The following MUC5AC variants were observed in gnomAD, a reference collection of about 807,000 sequenced individuals.
The protein encoded by MUC5AC is mucin 5AC, oligomeric mucus/gel-forming, also known as mucin-5AC.
In MUC5AC, 158 loss-of-function variants were observed where a neutral mutation model predicts 169.7. The observed-to-expected ratio is 0.93, with a 90% CI of 0.82 to 1.06. The LOEUF (loss-of-function observed/expected upper bound fraction) is 1.06. Among genes scored for constraint, MUC5AC ranks in the 50% least tolerant of loss-of-function variants. The pLI, the probability that MUC5AC is intolerant of heterozygous loss-of-function variation, is 0.00. For missense variants in MUC5AC, 4,359 were observed against 3,089.9 expected (o/e 1.41, Z -9.74); for synonymous variants, 1,975 against 1,237.0 (o/e 1.60, Z -12.52).
rs1411767629 is a variant in MUC5AC, at chr11:1,163,893, A to G, written c.691A>G (p.Thr231Ala). The G allele has an allele frequency of 1.2e-6, 2 of 1,607,806 alleles. No homozygotes were observed. Reference protein sequence around the residue: ...SELLSHNTKLTPMEFGNLQKM... With the variant: ...SELLSHNTKLAPMEFGNLQKM... ...TGTGCTTGCCGCAGACACCAAGCTG[A>G]CACCCATGGAATTCGGGAACCTGCA... is the stretch of plus-strand genomic sequence containing the variant. Residue 231 changes from threonine (T) to alanine (A), a missense_variant, in exon 7 of 49, where the codon ACA becomes GCA. Coordinates refer to ENST00000621226, the MANE Select transcript of MUC5AC (RefSeq NM_001304359.2).
In MUC5AC at chr11:1,162,958, G is replaced by C. The variant is rs1860187789; in HGVS notation, c.592G>C (p.Glu198Gln). The part of the protein sequence containing the change: ...MWNHDDSLLL[E>Q]LDTKYANKTC... ...TCTGATGTCTCTCCCTTTGCAGCTGGAGCTGGACACCAAATACGCCAACAA... is the reference window on the plus strand; with the variant it reads ...TCTGATGTCTCTCCCTTTGCAGCTGCAGCTGGACACCAAATACGCCAACAA... Residue 198 changes from glutamate (E) to glutamine (Q), a missense_variant, in exon 6 of 49, where the codon GAG (glutamate) becomes CAG (glutamine). Transcript: ENST00000621226. The C allele has an allele frequency of 4.3e-6, 7 of 1,612,620 alleles. No individual in the cohort carries two copies. The highest frequency in any genetic ancestry group is 5.9e-6 in the Non-Finnish European group (7 of 1,179,776).
At chr11:1,171,093 G>A (rs1420642403) in intron 15 of MUC5AC, among the ~76,000 whole-genome samples, 2 of 92,750 alleles carry the variant, frequency 2.2e-5, no homozygotes, top group Non-Finnish European at 4.4e-5. Context: ...CACACTCACC[G>A]ACTCAACCAT....
At chr11:1,158,496 C>T (rs1304749945) in intron 1 of MUC5AC, among the ~76,000 whole-genome samples, 1 of 152,258 alleles carries the variant, frequency 6.6e-6, no homozygotes, top group African/African-American at 2.4e-5. Context: ...GCTCACGTTC[C>T]CTGTCTGGGC....
At chr11:1,160,444 A>G (rs1432526084) in intron 1 of MUC5AC, among the ~76,000 whole-genome samples, 168 bp from the exon 2 acceptor site, 1 of 98,432 alleles carries the variant, frequency 1.0e-5, no homozygotes, top group Non-Finnish European at 2.7e-5. Context: ...ACATGGACAG[A>G]GGCCTCCTAG....
In MUC5AC at chr11:1,193,677, C is replaced by A. The variant is rs371271008; in HGVS notation, c.14755+18C>A. 2.6e-6 allele frequency: 2 copies of A among 761,928 alleles called. No individual in the cohort carries two copies. Among genetic ancestry groups the A allele is most frequent in the South Asian group, 1.3e-5 (1 of 74,478 alleles). The allele number at this position is 761,928 out of a possible 1,614,324, so 47.2% of individuals were successfully genotyped here. On this transcript the variant is annotated intron_variant, in intron 33 of 48. Transcript: ENST00000621226. ...GTGCCAGTGTGAGTGGAGCGCCGAG[C>A]GGGACCCAGGGCAGCCGGGGCAGCC... is the stretch of plus-strand genomic sequence containing the variant.
chr11:1,161,648 G>A (rs35396393), intron 3 of MUC5AC, 62 bp downstream of exon 3: 276,849 of 1,540,980 alleles, frequency 0.18, 27,954 homozygotes, highest in Non-Finnish European at 0.21. Context: ...TCCCCGCTCA[G>A]GCCTGGAGGT....
chr11:1,157,970 G>T lies in MUC5AC; in HGVS notation c.-30G>T. ...GGTCCCTCCTCAGAGGCTGCTGAGG[G>T]ACAGGGCACTCTTCCCCGCCGTCCA... On this transcript the variant is annotated 5_prime_UTR_variant, in exon 1 of 49. Transcript: ENST00000621226. The T allele has an allele frequency of 1.3e-6, 2 of 1,567,776 alleles. No individual in the cohort carries two copies. Among genetic ancestry groups the T allele is most frequent in the Non-Finnish European group, 1.7e-6 (2 of 1,157,042 alleles).
At chr11:1,193,127 C>T (rs1303730974) in intron 32 of MUC5AC, 145 bp downstream of exon 32, 1 of 593,538 alleles carries the variant, frequency 1.7e-6, no homozygotes, top group South Asian at 2.0e-5. Context: ...GAGGGCCATG[C>T]TGTAGCCCGG....
Position 1,197,465 on chromosome 11 carries a change from C to A in MUC5AC, c.15862-3C>A, listed in dbSNP as rs554118134. On this transcript the variant is annotated splice_polypyrimidine_tract_variant and splice_region_variant and intron_variant, in intron 40 of 48. Transcript: ENST00000621226. The stretch of plus-strand genomic sequence containing the variant: ...CGCTGGACCTCAGTCCCCTTCCTTG[C>A]AGGTGGGCCACACCGTCGGCATGGA... 1 of 709,684 alleles carries A rather than the reference C, an allele frequency of 1.4e-6. No homozygotes were observed. Among genetic ancestry groups the A allele is most frequent in the Middle Eastern group, 3.6e-4 (1 of 2,764 alleles). The allele number at this position is 709,684 out of a possible 1,614,324, so 44.0% of individuals were successfully genotyped here.
chr11:1,170,163 T>C (rs1488250174), intron 15 of MUC5AC, among the ~76,000 whole-genome samples: 11 of 37,548 alleles, frequency 2.9e-4, no homozygotes, highest in African/African-American at 6.3e-4. Flanking sequence ...ACCCATTCAC[T>C]CACTCACCCA....
chr11:1,191,620 C>A lies in MUC5AC; in HGVS notation c.13475C>A (p.Ala4492Asp). 7 of 687,012 alleles carry A rather than the reference C, an allele frequency of 1.0e-5. No individual in the cohort carries two copies. Among genetic ancestry groups the A allele is most frequent in the Non-Finnish European group, 1.8e-5 (7 of 379,488 alleles). 42.6% of individuals were successfully genotyped at this position (687,012 alleles called of 1,614,324 possible). The change falls in exon 31 of 49, where the codon GCT becomes GAT. Residue 4492 changes from alanine (A) to aspartate (D), a missense_variant. By Grantham distance (126) the Ala-to-Asp change is moderately radical. Transcript: ENST00000621226. Reference protein sequence around the residue: ...SPVPTTSTTSAPTTSTTSAST... With the variant: ...SPVPTTSTTSDPTTSTTSAST... ...GTTCCCACCACCAGCACAACCTCTG[C>A]TCCTACAACCAGCACAACCTCTGCC...
At chr11:1,166,440 C>G (rs1261779101) in intron 11 of MUC5AC, among the ~76,000 whole-genome samples, 1 of 125,364 alleles carries the variant, frequency 8.0e-6, no homozygotes, top group Non-Finnish European at 1.7e-5. Flanking sequence ...AGCCTGCACC[C>G]AACACACAGT....
Position 1,194,483 on chromosome 11 carries a change from C to T in MUC5AC, c.15007-4C>T, listed in dbSNP as rs780479996. ...ACTTCCCGTCGACCACGCCCTGCGTCCAGATCATCTTCAACAACAAGGTGG... is the reference window on the plus strand; with the variant it reads ...ACTTCCCGTCGACCACGCCCTGCGTTCAGATCATCTTCAACAACAAGGTGG... On this transcript the variant is annotated splice_polypyrimidine_tract_variant and splice_region_variant and intron_variant, in intron 34 of 48. Transcript: ENST00000621226. 1.1e-5 allele frequency: 8 copies of T among 755,110 alleles called. No individual in the cohort carries two copies. Among genetic ancestry groups the T allele is most frequent in the South Asian group, 8.2e-5 (6 of 73,580 alleles). 46.8% of individuals were successfully genotyped at this position (755,110 alleles called of 1,614,324 possible). A position where few individuals can be genotyped will look rare whatever the true frequency, so the allele number is the denominator to read the frequency against.
At chr11:1,195,313 G>A (rs1167918526) in intron 36 of MUC5AC, 34 bp downstream of exon 36, 3 of 748,684 alleles carry the variant, frequency 4.0e-6, no homozygotes, top group East Asian at 2.5e-5. Context: ...GAGGGTCAGT[G>A]TGGCCGCCCC....
chr11:1,160,292 G>A (rs969624922), intron 1 of MUC5AC, among the ~76,000 whole-genome samples: 18 of 152,074 alleles, frequency 1.2e-4, no homozygotes, highest in African/African-American at 4.3e-4. Context: ...CAGCGTGGGG[G>A]CCAGGGCCTG....
In MUC5AC at chr11:1,199,904, C is replaced by A. The variant is rs534537206; in HGVS notation, c.16635C>A (p.Gly5545=). ...YHRSLIIQQQ[G]CSSSEPVRLA... The stretch of plus-strand genomic sequence containing the variant: ...GGAGCCTGATCATCCAGCAGCAGGG[C>A]TGCAGCTCCTCGGAGCCCGTGCGCC... Residue 5545 remains glycine (G), a synonymous_variant, in exon 48 of 49, where the codon GGC becomes GGA. Transcript: ENST00000621226. 1 of 764,672 alleles carries A rather than the reference C, an allele frequency of 1.3e-6. No homozygotes were observed. The highest frequency in any genetic ancestry group is 1.7e-5 in the African/African-American group (1 of 59,274). 47.4% of individuals were successfully genotyped at this position (764,672 alleles called of 1,614,324 possible). A position where few individuals can be genotyped will look rare whatever the true frequency, so the allele number is the denominator to read the frequency against.
Position 1,180,363 on chromosome 11 carries a change from C to T in MUC5AC, c.3623C>T (p.Pro1208Leu). 2.5e-6 allele frequency: 1 copy of T among 398,742 alleles called. No homozygotes were observed. The highest frequency in any genetic ancestry group is 4.4e-6 in the Non-Finnish European group (1 of 226,132). 24.7% of individuals were successfully genotyped at this position (398,742 alleles called of 1,614,324 possible). The change falls in exon 28 of 49, where the codon CCC becomes CTC. Residue 1208 changes from proline (P) to leucine (L), a missense_variant. Coordinates refer to ENST00000621226, the MANE Select transcript of MUC5AC (RefSeq NM_001304359.2). Reference sequence around the variant, plus strand: ...CCTCTTTGGCCCACAGGCTGCTACCCCAAGTGCCCACCAGAGGCTCCCATC... The same window carrying T: ...CCTCTTTGGCCCACAGGCTGCTACCTCAAGTGCCCACCAGAGGCTCCCATC... Reference protein sequence around the residue: ...RDVRGLEGCYPKCPPEAPIFD... With the variant: ...RDVRGLEGCYLKCPPEAPIFD...
chr11:1,185,445 A>G lies in MUC5AC; in HGVS notation c.7300A>G (p.Thr2434Ala). 1 of 729,112 alleles carries G rather than the reference A, an allele frequency of 1.4e-6. No individual in the cohort carries two copies. The highest frequency in any genetic ancestry group is 1.9e-5 in the Admixed American group (1 of 53,254). The allele number at this position is 729,112 out of a possible 1,614,324, so 45.2% of individuals were successfully genotyped here. A position where few individuals can be genotyped will look rare whatever the true frequency, so the allele number is the denominator to read the frequency against. Reference protein sequence around the residue: ...PTSSTTSSPQTSTTSAPTTST... With the variant: ...PTSSTTSSPQASTTSAPTTST... ...AAGCAGCACAACCTCCAGTCCACAGACCAGCACAACCTCGGCTCCTACAAC... is the reference window on the plus strand; with the variant it reads ...AAGCAGCACAACCTCCAGTCCACAGGCCAGCACAACCTCGGCTCCTACAAC... Residue 2434 changes from threonine to alanine, a missense_variant, in exon 31 of 49, where the codon ACC becomes GCC. Coordinates refer to ENST00000621226, the MANE Select transcript of MUC5AC (RefSeq NM_001304359.2).
rs374084571 is a variant in MUC5AC at position 1,200,587 on chromosome 11, G to T, written c.16850G>T (p.Arg5617Leu). ...GTGGAAGAGTGCGGCTGCATGGGCC[G>T]GCGGTGCCCTGCGCCGGGCGACACC... Reference protein sequence around the residue: ...TEVEECGCMGRRCPAPGDTQH... With the variant: ...TEVEECGCMGLRCPAPGDTQH... The change falls in exon 49 of 49, where the codon CGG becomes CTG. Residue 5617 changes from arginine to leucine, a missense_variant. By Grantham distance (102) the Arg-to-Leu change is moderately radical. Transcript: ENST00000621226. 1 of 764,510 alleles carries T rather than the reference G, an allele frequency of 1.3e-6. No individual in the cohort carries two copies. Among genetic ancestry groups the T allele is most frequent in the Admixed American group, 1.7e-5 (1 of 58,980 alleles). The allele number at this position is 764,510 out of a possible 1,614,324, so 47.4% of individuals were successfully genotyped here. A position where few individuals can be genotyped will look rare whatever the true frequency, so the allele number is the denominator to read the frequency against.
Sources: allele counts gnomAD v4.1 joint callset (sites outside exome capture counted in the v4.1 genomes callset), GRCh38; gene constraint gnomAD v4.1.1; transcripts MANE v1.5; gene names NCBI Gene and HGNC (gene_info 2026-07-23, HGNC 2026-07-21).